Variants in GTF2E1 observed in about 807,000 individuals in gnomAD.
The protein encoded by GTF2E1 is general transcription factor IIE subunit 1.
GTF2E1 carries 14 observed loss-of-function variants against 34.9 expected under a neutral mutation model. The observed-to-expected ratio is 0.40, with a 90% CI of 0.27 to 0.63. GTF2E1 has a LOEUF of 0.63. Among genes scored for constraint, GTF2E1 ranks in the 20% least tolerant of loss-of-function variants. The pLI is 0.39. For missense variants in GTF2E1, 469 were observed against 557.7 expected, an observed-to-expected ratio of 0.84 and a Z score of 1.60; for synonymous variants, 188 against 192.9, an observed-to-expected ratio of 0.97 and a Z score of 0.21.
intron 1 of GTF2E1, among the ~76,000 whole-genome samples, chr3:120,745,816 A>G (rs1195882486): frequency 2.0e-5 from 3 of 152,152 alleles, no homozygotes; most frequent in African/African-American, 7.2e-5. Flanking sequence ...TATAGACCAA[A>G]CCGAAAAGGA....
In GTF2E1 at chr3:120,770,744, T is replaced by A. The variant is rs1286552699; in HGVS notation, c.465T>A (p.Thr155=). ...FDPMTGTFRC[T]FCHTEVEEDE... ...TCTCTGTAGGAACTTTCCGCTGTAC[T>A]TTTTGCCATACAGAGGTAGAAGAGG... The change falls in exon 3 of 5, where the codon ACT becomes ACA. Residue 155 remains threonine (T), a synonymous_variant. Transcript: ENST00000283875. 2.5e-6 allele frequency: 4 copies of A among 1,613,012 alleles called. No individual in the cohort carries two copies. The South Asian group carries it at 4.4e-5, about 18-fold the overall frequency.
At position 120,770,773 on chromosome 3, in the gene GTF2E1, A is replaced by G. The variant is rs150753325; in HGVS notation, c.494A>G (p.Glu165Gly). The change falls in exon 3 of 5, where the codon GAA becomes GGA. Residue 165 changes from glutamate (E) to glycine (G), a missense_variant. Transcript: ENST00000283875. ...TFCHTEVEEDESAMPKKDART... is the reference protein window; with the variant it reads ...TFCHTEVEEDGSAMPKKDART... ...TGCCATACAGAGGTAGAAGAGGATG[A>G]ATCAGCAATGCCCAAAAAAGATGCA... The G allele has an allele frequency of 3.1e-6, 5 of 1,613,610 alleles. No individual in the cohort carries two copies. The African/African-American group carries it at 6.7e-5, about 22-fold the overall frequency.
intron 4 of GTF2E1, among the ~76,000 whole-genome samples, chr3:120,777,448 T>C (rs1709411121): frequency 6.6e-6 from 1 of 152,190 alleles, no homozygotes; most frequent in South Asian, 2.1e-4. Flanking sequence ...TAATATATCA[T>C]TACTAACATA....
At position 120,752,021 on chromosome 3, in the gene GTF2E1, A is replaced by T. The variant is rs559071137; in HGVS notation, c.448+1021A>T. Among the ~76,000 whole-genome samples the T allele has an allele frequency of 1.9e-4, 29 of 152,310 alleles. No homozygotes were observed. The South Asian group carries it at 5.4e-3, about 28-fold the overall frequency. ...GGTACATTTTAAATAATTAAAAAAA[A>T]TTTTTAAGTGGGAAATAACCCCAAT... On this transcript the variant is annotated intron_variant, in intron 2 of 4. Transcript: ENST00000283875.
chr3:120,779,100 G>C (rs1055137587), intron 4 of GTF2E1, among the ~76,000 whole-genome samples: 1 of 152,114 alleles, frequency 6.6e-6, no homozygotes, highest in Admixed American at 6.6e-5. Context: ...CCAGAAATTT[G>C]CTCATTTATC....
chr3:120,761,786 A>AT (rs35658998), intron 2 of GTF2E1, among the ~76,000 whole-genome samples: 5,520 of 119,962 alleles, frequency 0.046, 276 homozygotes, highest in African/African-American at 0.078. Context: ...TCTGAGAGAC[A>AT]TTTTTTTTTT....
At chr3:120,744,291 T>C (rs1709085831) in intron 1 of GTF2E1, among the ~76,000 whole-genome samples, 1 of 152,110 alleles carries the variant, frequency 6.6e-6, no homozygotes, top group African/African-American at 2.4e-5. Flanking sequence ...CTCTAGAGAT[T>C]GAGTAAGGAG....
chr3:120,770,009 A>G (rs1351399916), intron 2 of GTF2E1, among the ~76,000 whole-genome samples: 1 of 152,194 alleles, frequency 6.6e-6, no homozygotes, highest in East Asian at 1.9e-4. Flanking sequence ...TTTGTTCTTT[A>G]TGTATCAATC....
intron 2 of GTF2E1, among the ~76,000 whole-genome samples, chr3:120,761,293 A>G (rs1483694296): frequency 6.6e-6 from 1 of 151,772 alleles, no homozygotes; most frequent in Non-Finnish European, 1.5e-5. Flanking sequence ...TATTGCATCT[A>G]TTTGATTCTT....
intron 2 of GTF2E1, among the ~76,000 whole-genome samples, chr3:120,763,400 G>A (rs1709281242): frequency 6.6e-6 from 1 of 152,100 alleles, no homozygotes; most frequent in African/African-American, 2.4e-5. Flanking sequence ...AATTTTGGGG[G>A]GTGGTTTTAT....
chr3:120,743,379 G>T (rs939060652), intron 1 of GTF2E1, among the ~76,000 whole-genome samples: 1 of 152,200 alleles, frequency 6.6e-6, no homozygotes. Flanking sequence ...GTGCCCAGTA[G>T]CCTGTCCGAT....
chr3:120,758,622 C>T (rs937915825), intron 2 of GTF2E1, among the ~76,000 whole-genome samples: 4 of 151,810 alleles, frequency 2.6e-5, no homozygotes, highest in African/African-American at 9.7e-5. Context: ...TGCCTTGTGT[C>T]CATGTGTTCT....
intron 4 of GTF2E1, 151 bp downstream of exon 4, chr3:120,776,815 A>G (rs963291900): frequency 9.7e-6 from 6 of 619,374 alleles, no homozygotes; most frequent in Non-Finnish European, 1.6e-5. Flanking sequence ...CAATAAGATA[A>G]AAACCAACTA....
At chr3:120,764,320 T>A (rs544837656) in intron 2 of GTF2E1, among the ~76,000 whole-genome samples, 15 of 152,252 alleles carry the variant, frequency 9.9e-5, no homozygotes, top group South Asian at 4.1e-4. Context: ...GAAGGCTGAA[T>A]GTCAGAAGCC....
chr3:120,762,830 T>C (rs568028932), intron 2 of GTF2E1, among the ~76,000 whole-genome samples: 1 of 152,336 alleles, frequency 6.6e-6, no homozygotes, highest in East Asian at 1.9e-4. Context: ...ATACCATATA[T>C]GGCTTCTCTC....
intron 2 of GTF2E1, among the ~76,000 whole-genome samples, chr3:120,753,148 A>G (rs1348770156): frequency 6.6e-6 from 1 of 151,776 alleles, no homozygotes; most frequent in Non-Finnish European, 1.5e-5. Flanking sequence ...ATTAATACCC[A>G]ACAACTTCCT....
In GTF2E1 at chr3:120,750,920, A is replaced by G. The variant is rs571070107; in HGVS notation, c.368A>G (p.Asn123Ser). ...RIETDERDST[N>S]RASFKCPVCS... is the part of the protein sequence containing the mutation. The stretch of plus-strand genomic sequence containing the variant: ...GAGACCGATGAGAGAGATTCGACCA[A>G]CCGGGCTTCCTTCAAATGTCCTGTC... Residue 123 changes from asparagine (N) to serine (S), a missense_variant, in exon 2 of 5, where the codon AAC (asparagine) becomes AGC (serine). Asn to Ser is a conservative substitution (Grantham distance 46). Transcript: ENST00000283875. 9.9e-6 allele frequency: 16 copies of G among 1,613,982 alleles called. No individual in the cohort carries two copies. In the South Asian group the frequency reaches 1.6e-4, roughly 17 times the overall value.
At chr3:120,745,724 G>A (rs1350899685) in intron 1 of GTF2E1, among the ~76,000 whole-genome samples, 1 of 152,222 alleles carries the variant, frequency 6.6e-6, no homozygotes, top group Non-Finnish European at 1.5e-5. Flanking sequence ...TTTGTTGAAT[G>A]TTTCTGAAGC....
Position 120,768,102 on chromosome 3 carries a change from C to T in GTF2E1, c.449-2626C>T, listed in dbSNP as rs938654582. On this transcript the variant is annotated intron_variant, in intron 2 of 4. Coordinates refer to ENST00000283875, the MANE Select transcript of GTF2E1 (RefSeq NM_005513.3). ...ACATTTTTTTAAAATTCGGGTATAA[C>T]ATGACTTTTTAATGATAAATTAGAT... Among the ~76,000 whole-genome samples, 10 of 152,092 alleles carry T rather than the reference C, an allele frequency of 6.6e-5. No homozygotes were observed. In the South Asian group the frequency reaches 1.5e-3, roughly 22 times the overall value.
Sources: allele counts gnomAD v4.1 joint callset (sites outside exome capture counted in the v4.1 genomes callset), GRCh38; gene constraint gnomAD v4.1.1; transcripts MANE v1.5; gene names NCBI Gene and HGNC (gene_info 2026-07-23, HGNC 2026-07-21).